The following NR2C2 variants were observed in gnomAD, a reference collection of about 807,000 sequenced individuals.
NR2C2 encodes nuclear receptor subfamily 2 group C member 2, also known as Nuclear hormone receptor TR4.
NR2C2 carries 6 observed loss-of-function variants against 62.9 expected under a neutral mutation model. The ratio of observed to expected loss-of-function variants is 0.10; its 90% CI spans 0.05 to 0.19. The LOEUF (loss-of-function observed/expected upper bound fraction) is 0.19. Ranked by LOEUF, NR2C2 falls within the 10% of genes least tolerant of loss-of-function variation. The pLI is 1.00. For missense variants in NR2C2, 479 were observed against 762.7 expected (o/e 0.63, Z 4.38); for synonymous variants, 272 against 273.8 (o/e 0.99, Z 0.07).
chr3:15,029,709 C>T (rs145342703), intron 8 of NR2C2, among the ~76,000 whole-genome samples: 5 of 152,084 alleles, frequency 3.3e-5, no homozygotes, highest in East Asian at 1.9e-4. Flanking sequence ...AATCCCAGCA[C>T]TTAGAGAAGC....
intron 2 of NR2C2, among the ~76,000 whole-genome samples, chr3:15,005,362 A>T (rs546462267): frequency 4.2e-4 from 57 of 135,938 alleles, no homozygotes; most frequent in African/African-American, 1.3e-3. Flanking sequence ...ACACACACGC[A>T]TAATGCTTTT....
intron 8 of NR2C2, among the ~76,000 whole-genome samples, chr3:15,029,842 TATAGATAG>T (rs1553571963): frequency 8.9e-6 from 1 of 112,486 alleles, no homozygotes; most frequent in Admixed American, 8.9e-5. Flanking sequence ...GATAGATAGA[TATAGATAG>T]ACCCCATCTC....
rs539097756 is a variant in NR2C2, at chr3:15,003,861, A to G, written c.-39-15A>G. On this transcript the variant is annotated splice_polypyrimidine_tract_variant and intron_variant, in intron 1 of 13. Coordinates refer to ENST00000425241, the MANE Select transcript of NR2C2 (RefSeq NM_001291694.2). ...TCTGAACCCCCTTGTGATCCAGCCC[A>G]CTTCTCACCCACAGGTAACACGTAC... The G allele has an allele frequency of 6.4e-7, 1 of 1,567,478 alleles. No individual in the cohort carries two copies. The highest frequency in any genetic ancestry group is 2.2e-5 in the East Asian group (1 of 44,574).
chr3:14,998,366 C>A (rs976562748), intron 1 of NR2C2, among the ~76,000 whole-genome samples: 1 of 152,170 alleles, frequency 6.6e-6, no homozygotes, highest in East Asian at 1.9e-4. Flanking sequence ...AGTAACTGTA[C>A]CATTCTACAT....
At chr3:14,967,081 T>A (rs1408114957) in intron 1 of NR2C2, among the ~76,000 whole-genome samples, 1 of 152,210 alleles carries the variant, frequency 6.6e-6, no homozygotes, top group Non-Finnish European at 1.5e-5. Context: ...CTTGAGTCAG[T>A]TTCAGTAATT....
At chr3:15,019,492 A>C (rs766638322) in intron 4 of NR2C2, among the ~76,000 whole-genome samples, 5 of 152,250 alleles carry the variant, frequency 3.3e-5, no homozygotes, top group Non-Finnish European at 7.3e-5. Flanking sequence ...ATGACTATTT[A>C]CAATGGCCAA....
rs137974373 is a variant in NR2C2 at position 14,990,525 on chromosome 3, C to T, written c.-39-13351C>T. Among the ~76,000 whole-genome samples the T allele has an allele frequency of 4.4e-3, 671 of 152,326 alleles. 1 individual carries two copies. The highest frequency in any genetic ancestry group is 0.015 in the African/African-American group (641 of 41,572). On this transcript the variant is annotated intron_variant, in intron 1 of 13. Coordinates refer to ENST00000425241, the MANE Select transcript of NR2C2 (RefSeq NM_001291694.2). ...TCACAGAGAGGGCATCTTTAAACAG[C>T]CCTGTCTGGTTTGGGTGAATGGAAT...
At chr3:14,998,570 A>G (rs888325520) in intron 1 of NR2C2, among the ~76,000 whole-genome samples, 1 of 152,104 alleles carries the variant, frequency 6.6e-6, no homozygotes, top group Non-Finnish European at 1.5e-5. Flanking sequence ...CTTCTAGGAG[A>G]AATTTCTGTT....
In NR2C2 at chr3:15,045,465, C is replaced by T. The variant is rs1285701536; in HGVS notation, c.*2457C>T. ...TCTAACCTGGTCCTGCTCTTTAAGT[C>T]CCCTTGCTGGTGATGGCTGATTCCA... On this transcript the variant is annotated 3_prime_UTR_variant, in exon 14 of 14. Transcript: ENST00000425241. 6.5e-6 allele frequency: 1 copy of T among 152,722 alleles called. No homozygotes were observed. The highest frequency in any genetic ancestry group is 1.9e-4 in the East Asian group (1 of 5,194). 9.5% of individuals were successfully genotyped at this position (152,722 alleles called of 1,614,324 possible).
At chr3:15,023,588 A>G (rs2041737432) in intron 6 of NR2C2, among the ~76,000 whole-genome samples, 1 of 152,246 alleles carries the variant, frequency 6.6e-6, no homozygotes, top group Non-Finnish European at 1.5e-5. Flanking sequence ...CCTGCAATTT[A>G]GGCATCATTC....
intron 1 of NR2C2, among the ~76,000 whole-genome samples, chr3:14,978,868 G>C (rs1015804757): frequency 6.6e-6 from 1 of 152,116 alleles, no homozygotes; most frequent in Non-Finnish European, 1.5e-5. Context: ...TTTCTGCAGT[G>C]ATATGAGAGG....
chr3:15,011,847 A>G lies in NR2C2; in HGVS notation c.73-1742A>G, dbSNP rs532626395. Among the ~76,000 whole-genome samples, 5 of 152,264 alleles carry G rather than the reference A, an allele frequency of 3.3e-5. No individual in the cohort carries two copies. The South Asian group carries it at 1.0e-3, about 32-fold the overall frequency. ...TTCAAGTCTTTGTTCAGTGTCACAT[A>G]CTCAGAGATGTCTTTCCTCCTAAAG... On this transcript the variant is annotated intron_variant, in intron 2 of 13. Coordinates refer to ENST00000425241, the MANE Select transcript of NR2C2 (RefSeq NM_001291694.2).
intron 12 of NR2C2, 145 bp from the exon 13 acceptor site, chr3:15,038,977 A>G (rs529199106): frequency 1.5e-6 from 1 of 651,078 alleles, no homozygotes; most frequent in African/African-American, 1.8e-5. Flanking sequence ...CAGTGTTCTA[A>G]TAATACCCAA....
At chr3:15,042,757 G>T (rs555606686) in intron 13 of NR2C2, 77 bp from the exon 14 acceptor site, 9 of 1,363,008 alleles carry the variant, frequency 6.6e-6, no homozygotes, top group Middle Eastern at 2.1e-4. Context: ...ATACAGACGG[G>T]ACCCCAGGAG....
At chr3:15,004,743 C>A in intron 2 of NR2C2, 1 of 1,153,246 alleles carries the variant, frequency 8.7e-7, no homozygotes, top group Non-Finnish European at 1.2e-6. Flanking sequence ...TGTTTTTCTT[C>A]TTGCAGTTTT....
chr3:15,033,639 CTTTTTTTTTT>C (rs58524753), intron 10 of NR2C2, among the ~76,000 whole-genome samples: 10 of 84,828 alleles, frequency 1.2e-4, no homozygotes, highest in African/African-American at 3.1e-4. Flanking sequence ...TAACCTCAGG[CTTTTTTTTTT>C]TTTTTTTTTT....
At position 14,969,193 on chromosome 3, in the gene NR2C2, A is replaced by T. The variant is rs552287586; in HGVS notation, c.-40+21287A>T. On this transcript the variant is annotated intron_variant, in intron 1 of 13. Coordinates refer to ENST00000425241, the MANE Select transcript of NR2C2 (RefSeq NM_001291694.2). ...CCCTCTATAACTGGAAATTTAAAGC[A>T]GACATATAGATACATATACTATGTA... is the stretch of plus-strand genomic sequence containing the variant. Among the ~76,000 whole-genome samples, 10 of 152,066 alleles carry T rather than the reference A, an allele frequency of 6.6e-5. No individual in the cohort carries two copies. The East Asian group carries it at 1.7e-3, about 26-fold the overall frequency.
At chr3:14,971,457 A>G (rs141059676) in intron 1 of NR2C2, among the ~76,000 whole-genome samples, 1,575 of 151,716 alleles carry the variant, frequency 0.01, 19 homozygotes, top group Non-Finnish European at 0.016. Context: ...TCAACTTACA[A>G]TGGTTTATCA....
At chr3:14,959,528 T>G (rs2039632033) in intron 1 of NR2C2, 1 of 152,162 alleles carries the variant, frequency 6.6e-6, no homozygotes. Flanking sequence ...CTCTGCTTGT[T>G]TTTCCAGAAG....
Sources: gnomAD v4.1 joint callset for allele counts (sites outside exome capture counted in the v4.1 genomes callset) on GRCh38, gnomAD v4.1.1 for gene constraint, MANE v1.5 for transcripts, NCBI Gene and HGNC (gene_info 2026-07-23, HGNC 2026-07-21) for gene names.